Variants in CNTNAP2 observed in about 807,000 individuals in gnomAD.
CNTNAP2 encodes the protein contactin associated protein 2, also known as contactin-associated protein-like 2.
A neutral mutation model predicts 155.2 loss-of-function variants in CNTNAP2; 98 were observed. That is an observed-to-expected ratio of 0.63 (90% CI 0.54 to 0.75). The LOEUF (loss-of-function observed/expected upper bound fraction) is 0.75. Ranked by LOEUF, CNTNAP2 falls within the 30% of genes least tolerant of loss-of-function variation. CNTNAP2 has a pLI of 0.00. For missense variants in CNTNAP2, 1,727 were observed against 1,688.1 expected, an observed-to-expected ratio of 1.02 and a Z score of -0.40; for synonymous variants, 651 against 631.2, an observed-to-expected ratio of 1.03 and a Z score of -0.47.
intron 3 of CNTNAP2, among the ~76,000 whole-genome samples, chr7:147,027,228 C>T (rs1027393968): frequency 4.6e-5 from 7 of 152,158 alleles, no homozygotes; most frequent in Middle Eastern, 6.8e-3. Context: ...AATTTTCATA[C>T]GTACAAGGGA....
At position 147,499,266 on chromosome 7, in the gene CNTNAP2, C is replaced by T. The variant is rs192102237; in HGVS notation, c.1777+13225C>T. On this transcript the variant is annotated intron_variant, in intron 11 of 23. Transcript: ENST00000361727. Reference sequence around the variant, plus strand: ...CTTACCAGCCAGGCATGGTGGCTCTCGCCTGTAATCCCAGCACTTTGGGAG... The same window carrying T: ...CTTACCAGCCAGGCATGGTGGCTCTTGCCTGTAATCCCAGCACTTTGGGAG... 1.2e-4 allele frequency among the ~76,000 whole-genome samples: 19 copies of T among 152,166 alleles called. No homozygotes were observed. The East Asian group carries it at 1.4e-3, about 11-fold the overall frequency.
At chr7:146,478,879 A>C (rs1158594384) in intron 1 of CNTNAP2, among the ~76,000 whole-genome samples, 1 of 152,160 alleles carries the variant, frequency 6.6e-6, no homozygotes, top group Non-Finnish European at 1.5e-5. Context: ...GTAGTTATAT[A>C]ATATGTAAAT....
chr7:146,693,435 G>T (rs921444632), intron 1 of CNTNAP2, among the ~76,000 whole-genome samples: 4 of 151,748 alleles, frequency 2.6e-5, no homozygotes, highest in African/African-American at 9.7e-5. Context: ...GTGTTTTGAG[G>T]TTTTTTCTTT....
chr7:146,275,209 G>A (rs1800145249), intron 1 of CNTNAP2, among the ~76,000 whole-genome samples: 1 of 152,008 alleles, frequency 6.6e-6, no homozygotes, highest in Admixed American at 6.6e-5. Context: ...CTTTTGTCAT[G>A]TTCATATTCA....
At chr7:146,177,060 T>C (rs941153739) in intron 1 of CNTNAP2, among the ~76,000 whole-genome samples, 2 of 152,172 alleles carry the variant, frequency 1.3e-5, no homozygotes, top group Non-Finnish European at 2.9e-5. Flanking sequence ...TGGATTCTGT[T>C]GTCTTTCACT....
chr7:146,928,413 A>C (rs1285846595), intron 3 of CNTNAP2, among the ~76,000 whole-genome samples: 2 of 152,168 alleles, frequency 1.3e-5, no homozygotes, highest in Non-Finnish European at 2.9e-5. Flanking sequence ...TTCATAGGCT[A>C]TTTTATTTTA....
At chr7:146,480,148 C>T (rs1213987542) in intron 1 of CNTNAP2, among the ~76,000 whole-genome samples, 1 of 152,082 alleles carries the variant, frequency 6.6e-6, no homozygotes, top group African/African-American at 2.4e-5. Context: ...CAAATTATTT[C>T]GTAGAATCAT....
At chr7:148,271,845 A>G (rs568295125) in intron 21 of CNTNAP2, among the ~76,000 whole-genome samples, 1 of 152,296 alleles carries the variant, frequency 6.6e-6, no homozygotes, top group East Asian at 1.9e-4. Context: ...ATCCATCTGT[A>G]CAGACATACA....
chr7:147,277,512 C>A (rs1186245391), intron 8 of CNTNAP2, among the ~76,000 whole-genome samples: 1 of 151,976 alleles, frequency 6.6e-6, no homozygotes, highest in Non-Finnish European at 1.5e-5. Flanking sequence ...ACTATTTGAA[C>A]TCCTGAGTTT....
intron 16 of CNTNAP2, among the ~76,000 whole-genome samples, chr7:148,126,627 T>G (rs1216042241): frequency 6.6e-6 from 1 of 152,140 alleles, no homozygotes; most frequent in African/African-American, 2.4e-5. Flanking sequence ...AGAGTAGTGT[T>G]GGTTGGTCAC....
chr7:147,300,300 C>T lies in CNTNAP2; in HGVS notation c.1498+10C>T. ...AAGTACTTTTTTGGAGGTAAGAATG[C>T]CATTCCTTTTTGGTTACTAATCCAT... is the stretch of plus-strand genomic sequence containing the variant. On this transcript the variant is annotated intron_variant, in intron 9 of 23. Transcript: ENST00000361727. 5.0e-6 allele frequency: 8 copies of T among 1,613,552 alleles called. No individual in the cohort carries two copies. The highest frequency in any genetic ancestry group is 6.8e-6 in the Non-Finnish European group (8 of 1,179,708).
intron 3 of CNTNAP2, among the ~76,000 whole-genome samples, chr7:146,877,483 TAACAG>T (rs1795452086): frequency 6.6e-6 from 1 of 151,632 alleles, no homozygotes; most frequent in South Asian, 2.1e-4. Flanking sequence ...CCAGCCAGGG[TAACAG>T]AACAAGAGCC....
rs1261233770 is a variant in CNTNAP2 at position 148,417,721 on chromosome 7, C to CTGCACTTACCAAATAATGCCAGATGG, written c.*2106_*2131dup. On this transcript the variant is annotated 3_prime_UTR_variant, in exon 24 of 24. Transcript: ENST00000361727. ...TAAACCTGGTTTACAGGTATTACTT[C>CTGCACTTACCAAATAATGCCAGATGG]TGCACTTACCAAATAATGCCAGATG... 6.6e-6 allele frequency: 1 copy of CTGCACTTACCAAATAATGCCAGATGG among 152,216 alleles called. No homozygotes were observed. Among genetic ancestry groups the CTGCACTTACCAAATAATGCCAGATGG allele is most frequent in the Non-Finnish European group, 1.5e-5 (1 of 68,038 alleles). 9.4% of individuals were successfully genotyped at this position (152,216 alleles called of 1,614,324 possible).
intron 1 of CNTNAP2, among the ~76,000 whole-genome samples, chr7:146,242,537 CAA>C (rs200094549): frequency 7.8e-5 from 10 of 128,190 alleles, no homozygotes; most frequent in African/African-American, 2.7e-5. Flanking sequence ...GACTCTGTCT[CAA>C]AAAAAAAAAA....
At chr7:148,374,276 GA>G (rs1404856562) in intron 21 of CNTNAP2, among the ~76,000 whole-genome samples, 1 of 151,938 alleles carries the variant, frequency 6.6e-6, no homozygotes, top group African/African-American at 2.4e-5. Context: ...AACAAAGGAA[GA>G]AAAATAAAAA....
chr7:147,780,081 T>C (rs1278375382), intron 13 of CNTNAP2, among the ~76,000 whole-genome samples: 2 of 152,220 alleles, frequency 1.3e-5, no homozygotes, highest in Admixed American at 1.3e-4. Context: ...TGTACAATTA[T>C]TTATCATCAA....
intron 1 of CNTNAP2, among the ~76,000 whole-genome samples, chr7:146,604,930 G>T (rs866210957): frequency 4.7e-5 from 5 of 107,378 alleles, no homozygotes; most frequent in Non-Finnish European, 9.5e-5. Flanking sequence ...GTTGTGGGGT[G>T]GGGGGAGGGG....
chr7:146,635,626 T>C (rs1026203523), intron 1 of CNTNAP2, among the ~76,000 whole-genome samples: 3 of 152,134 alleles, frequency 2.0e-5, no homozygotes, highest in Non-Finnish European at 2.9e-5. Flanking sequence ...TTAAGCTGCA[T>C]GGGGTAGACT....
At chr7:146,733,197 T>C (rs1447218514) in intron 1 of CNTNAP2, among the ~76,000 whole-genome samples, 5 of 152,130 alleles carry the variant, frequency 3.3e-5, no homozygotes, top group East Asian at 1.9e-4. Flanking sequence ...TAGGTACTTA[T>C]TCAGTTTAGT....
Sources: allele counts gnomAD v4.1 joint callset (sites outside exome capture counted in the v4.1 genomes callset), GRCh38; gene constraint gnomAD v4.1.1; transcripts MANE v1.5; gene names NCBI Gene and HGNC (gene_info 2026-07-23, HGNC 2026-07-21).